The following PCK1 variants were observed in gnomAD, a reference collection of about 807,000 sequenced individuals.
PCK1 encodes phosphoenolpyruvate carboxykinase, cytosolic [GTP].
A neutral mutation model predicts 50.3 loss-of-function variants in PCK1; 44 were observed. The observed-to-expected ratio is 0.87, with a 90% CI of 0.69 to 1.12. The LOEUF is 1.12. Ranked by LOEUF, PCK1 falls within the 50% of genes most tolerant of loss-of-function variation. The pLI is 0.00. For missense variants in PCK1, 790 were observed against 815.0 expected (o/e 0.97, Z 0.37); for synonymous variants, 332 against 314.3 (o/e 1.06, Z -0.59).
In PCK1 at chr20:57,564,503, A is replaced by G. The variant is rs2070184762; in HGVS notation, c.1208A>G (p.Asn403Ser). ...SEDGEPCAHP[N>S]SRFCTPASQC... is the part of the protein sequence containing the mutation. ...ATAGGGGAACCTTGTGCCCACCCCA[A>G]CTCGAGGTTCTGCACCCCTGCCAGC... The change falls in exon 8 of 10, where the codon AAC becomes AGC. Residue 403 changes from asparagine to serine, a missense_variant. Asn to Ser is a conservative substitution (Grantham distance 46). Coordinates refer to ENST00000319441, the MANE Select transcript of PCK1 (RefSeq NM_002591.4). 2 of 1,613,896 alleles carry G rather than the reference A, an allele frequency of 1.2e-6. No individual in the cohort carries two copies. Among genetic ancestry groups the G allele is most frequent in the South Asian group, 1.1e-5 (1 of 91,044 alleles).
At chr20:57,564,109 G>T in intron 6 of PCK1, 60 bp from the exon 7 acceptor site, 1 of 1,050,230 alleles carries the variant, frequency 9.5e-7, no homozygotes, top group East Asian at 2.4e-5. Context: ...CAATATATAA[G>T]AGTATATGTT....
chr20:57,565,227 G>T, intron 9 of PCK1, 92 bp downstream of exon 9: 1 of 1,283,656 alleles, frequency 7.8e-7, no homozygotes, highest in Non-Finnish European at 1.1e-6. Context: ...GTGTCTGTGT[G>T]TGGGGAGAGA....
In PCK1 at chr20:57,563,193, G is replaced by A. The variant is rs1277594597; in HGVS notation, c.776G>A (p.Gly259Glu). Reference protein sequence around the residue: ...RMASRLAKEEGWLAEHMLILG... With the variant: ...RMASRLAKEEEWLAEHMLILG... ...GCCAGCCGGCTGGCCAAGGAGGAAG[G>A]GTGGCTGGCAGAGCACATGCTGGTG... is the stretch of plus-strand genomic sequence containing the variant. Residue 259 changes from glycine to glutamate, a missense_variant, in exon 5 of 10, where the codon GGG becomes GAG. By Grantham distance (98) the Gly-to-Glu change is moderately conservative. Coordinates refer to ENST00000319441, the MANE Select transcript of PCK1 (RefSeq NM_002591.4). The A allele has an allele frequency of 3.1e-5, 50 of 1,613,732 alleles. No homozygotes were observed. Among genetic ancestry groups the A allele is most frequent in the Non-Finnish European group, 4.2e-5 (50 of 1,180,024 alleles).
intron 9 of PCK1, 98 bp downstream of exon 9, chr20:57,565,233 A>G (rs2070192119): frequency 5.5e-6 from 5 of 901,426 alleles, no homozygotes; most frequent in Non-Finnish European, 6.7e-6. Context: ...GTGTGTGGGG[A>G]GAGAGAGAGA....
In PCK1 at chr20:57,565,400, A is replaced by G; in HGVS notation, c.1465A>G (p.Asn489Asp). The G allele has an allele frequency of 1.2e-6, 2 of 1,614,248 alleles. No individual in the cohort carries two copies. The highest frequency in any genetic ancestry group is 1.7e-6 in the Non-Finnish European group (2 of 1,180,044). ...PFAMRPFFGY[N>D]FGKYLAHWLS... The stretch of plus-strand genomic sequence containing the variant: ...TGCCATGCGGCCCTTCTTTGGCTAC[A>G]ACTTCGGCAAATACCTGGCCCACTG... Residue 489 changes from asparagine to aspartate, a missense_variant, in exon 10 of 10, where the codon AAC becomes GAC. Physicochemically the swap from Asn to Asp is conservative, Grantham distance 23. Coordinates refer to ENST00000319441, the MANE Select transcript of PCK1 (RefSeq NM_002591.4).
intron 5 of PCK1, 89 bp downstream of exon 5, chr20:57,563,304 C>CTCAGAGAGGTGTG: frequency 1.6e-6 from 2 of 1,223,496 alleles, no homozygotes; most frequent in Non-Finnish European, 2.3e-6. Context: ...CGTCAGCACA[C>CTCAGAGAGGTGTG]CTCTCTGAGC....
At chr20:57,563,993 G>C in intron 6 of PCK1, 176 bp from the exon 7 acceptor site, 1 of 625,690 alleles carries the variant, frequency 1.6e-6, no homozygotes, top group Non-Finnish European at 2.8e-6. Context: ...GGAAGCAAGA[G>C]TCGTAAACGT....
intron 8 of PCK1, 33 bp downstream of exon 8, chr20:57,564,646 G>C (rs2070186386): frequency 6.5e-7 from 1 of 1,542,270 alleles, no homozygotes; most frequent in Admixed American, 1.9e-5. Flanking sequence ...CTGGGAACAT[G>C]GGTGTGCTGG....
rs770499580 is a variant in PCK1, at chr20:57,565,798, G to C, written c.1863G>C (p.Gln621His). ...TTGCCTTGAAGCAAAGAATAAGCCA[G>C]ATGTAATCAGGGCCTGAGTGCTTTA... Reference protein sequence around the residue: ...EILALKQRISQM With the variant: ...EILALKQRISHM The change falls in exon 10 of 10, where the codon CAG becomes CAC. Residue 621 changes from glutamine to histidine, a missense_variant. By Grantham distance (24) the Gln-to-His change is conservative. Transcript: ENST00000319441. 1 of 1,604,350 alleles carries C rather than the reference G, an allele frequency of 6.2e-7. No homozygotes were observed. Among genetic ancestry groups the C allele is most frequent in the East Asian group, 2.2e-5 (1 of 44,812 alleles).
chr20:57,561,848 C>T (rs549214991), intron 2 of PCK1: 1 of 606,090 alleles, frequency 1.6e-6, no homozygotes, highest in African/African-American at 1.8e-5. Flanking sequence ...AAAAGCTCTG[C>T]CAACTAGATT....
Position 57,561,525 on chromosome 20 carries a change from T to C in PCK1, c.114T>C (p.Cys38=). Reference sequence around the variant, plus strand: ...TTCTCGAGAATAACGCTGAGCTGTGTCAGCCTGATCACATCCACATCTGTG... The same window carrying C: ...TTCTCGAGAATAACGCTGAGCTGTGCCAGCCTGATCACATCCACATCTGTG... ...REFLENNAEL[C]QPDHIHICDG... is the part of the protein sequence containing the mutation. Residue 38 remains cysteine (C), a synonymous_variant, in exon 2 of 10, where the codon TGT becomes TGC. Coordinates refer to ENST00000319441, the MANE Select transcript of PCK1 (RefSeq NM_002591.4). 6.2e-7 allele frequency: 1 copy of C among 1,613,862 alleles called. No individual in the cohort carries two copies. The highest frequency in any genetic ancestry group is 8.5e-7 in the Non-Finnish European group (1 of 1,179,802).
chr20:57,562,058 G>A lies in PCK1; in HGVS notation c.225-13G>A, dbSNP rs1240131695. On this transcript the variant is annotated splice_polypyrimidine_tract_variant and intron_variant, in intron 2 of 9. Coordinates refer to ENST00000319441, the MANE Select transcript of PCK1 (RefSeq NM_002591.4). Reference sequence around the variant, plus strand: ...GTGGTGCTTGGCTGAAAGGAAGCCTGTGATTTTTGCAGCTGGTTGGCTCTC... The same window carrying A: ...GTGGTGCTTGGCTGAAAGGAAGCCTATGATTTTTGCAGCTGGTTGGCTCTC... 2.5e-6 allele frequency: 4 copies of A among 1,611,516 alleles called. No homozygotes were observed. Among genetic ancestry groups the A allele is most frequent in the South Asian group, 1.1e-5 (1 of 90,954 alleles).
rs1600707747 is a variant in PCK1, at chr20:57,564,021, T to C, written c.962-148T>C. 2.3e-5 allele frequency: 15 copies of C among 646,706 alleles called. No individual in the cohort carries two copies. In the East Asian group the frequency reaches 4.1e-4, roughly 18 times the overall value. 40.1% of individuals were successfully genotyped at this position (646,706 alleles called of 1,614,324 possible). A position where few individuals can be genotyped will look rare whatever the true frequency, so the allele number is the denominator to read the frequency against. On this transcript the variant is annotated intron_variant, in intron 6 of 9. Transcript: ENST00000319441. ...GTAAACGTATCAAAGTTGCATATGA[T>C]GCTTGGATGAAAAGAGATAAATGCA...
chr20:57,564,063 A>C lies in PCK1; in HGVS notation c.962-106A>C, dbSNP rs1412171759. The C allele has an allele frequency of 5.4e-6, 4 of 742,284 alleles. No homozygotes were observed. The African/African-American group carries it at 7.1e-5, about 13-fold the overall frequency. 46.0% of individuals were successfully genotyped at this position (742,284 alleles called of 1,614,324 possible). ...ATAAATGCATATTCTAGGGAGGGAA[A>C]AAAGATTTGAGAAGTTGGCATAGAA... is the stretch of plus-strand genomic sequence containing the variant. On this transcript the variant is annotated intron_variant, in intron 6 of 9. Coordinates refer to ENST00000319441, the MANE Select transcript of PCK1 (RefSeq NM_002591.4).
chr20:57,562,200 A>T lies in PCK1; in HGVS notation c.354A>T (p.Ser118=). The change falls in exon 3 of 10, where the codon TCA becomes TCT. Residue 118 remains serine (S), a synonymous_variant. Coordinates refer to ENST00000319441, the MANE Select transcript of PCK1 (RefSeq NM_002591.4). ...TCAGCCAGCTCGGTCGCTGGATGTCAGAGGAGGATTTTGAGAAAGCGTTCA... is the reference window on the plus strand; with the variant it reads ...TCAGCCAGCTCGGTCGCTGGATGTCTGAGGAGGATTTTGAGAAAGCGTTCA... ...TGLSQLGRWM[S]EEDFEKAFNA... is the part of the protein sequence containing the mutation. 1 of 1,614,208 alleles carries T rather than the reference A, an allele frequency of 6.2e-7. No individual in the cohort carries two copies. Among genetic ancestry groups the T allele is most frequent in the African/African-American group, 1.3e-5 (1 of 75,070 alleles).
rs1159139755 is a variant in PCK1 at position 57,565,352 on chromosome 20, A to C, written c.1417A>C (p.Lys473Gln). The stretch of plus-strand genomic sequence containing the variant: ...TGAACTCCCTCTCTGTTTAACAGGC[A>C]AAATCATCATGCATGACCCCTTTGC... ...EATAAAEHKG[K>Q]IIMHDPFAMR... Residue 473 changes from lysine (K) to glutamine (Q), a missense_variant and splice_region_variant, in exon 10 of 10, where the codon AAA becomes CAA. Lys to Gln is a moderately conservative substitution (Grantham distance 53, BLOSUM62 1). Transcript: ENST00000319441. The C allele has an allele frequency of 6.2e-7, 1 of 1,613,120 alleles. No individual in the cohort carries two copies. Among genetic ancestry groups the C allele is most frequent in the East Asian group, 2.2e-5 (1 of 44,876 alleles).
At chr20:57,561,916 T>C (rs1011159819) in intron 2 of PCK1, 155 bp from the exon 3 acceptor site, 3 of 644,968 alleles carry the variant, frequency 4.7e-6, no homozygotes, top group Non-Finnish European at 8.0e-6. Context: ...GGAGTAAATG[T>C]CCACCTGGCC....
Position 57,565,372 on chromosome 20 carries a change from C to G in PCK1, c.1437C>G (p.Pro479=). ...EHKGKIIMHD[P]FAMRPFFGYN... ...CAGGCAAAATCATCATGCATGACCC[C>G]TTTGCCATGCGGCCCTTCTTTGGCT... Residue 479 remains proline (P), a synonymous_variant, in exon 10 of 10, where the codon CCC becomes CCG. Coordinates refer to ENST00000319441, the MANE Select transcript of PCK1 (RefSeq NM_002591.4). The G allele has an allele frequency of 6.2e-7, 1 of 1,614,030 alleles. No individual in the cohort carries two copies. Among genetic ancestry groups the G allele is most frequent in the Non-Finnish European group, 8.5e-7 (1 of 1,179,840 alleles).
intron 7 of PCK1, 43 bp from the exon 8 acceptor site, chr20:57,564,439 C>A (rs761245107): frequency 6.2e-7 from 1 of 1,614,026 alleles, no homozygotes; most frequent in South Asian, 1.1e-5. Context: ...GCAGGGACTG[C>A]CTGTTTGAGC....
Sources: gnomAD v4.1 joint callset for allele counts on GRCh38, gnomAD v4.1.1 for gene constraint, MANE v1.5 for transcripts, NCBI Gene and HGNC (gene_info 2026-07-23, HGNC 2026-07-21) for gene names.